Variants in UNC13B observed in about 807,000 individuals in gnomAD.
UNC13B encodes the protein protein unc-13 homolog B.
UNC13B carries 144 observed loss-of-function variants against 211.0 expected under a neutral mutation model. The observed-to-expected ratio is 0.68, with a 90% CI of 0.60 to 0.78. The LOEUF is 0.78. UNC13B is among the 30% of genes least tolerant of loss of function. UNC13B has a pLI of 0.00. For missense variants in UNC13B, 1,777 were observed against 2,002.0 expected, an observed-to-expected ratio of 0.89 and a Z score of 2.14; for synonymous variants, 709 against 725.8, an observed-to-expected ratio of 0.98 and a Z score of 0.37.
intron 1 of UNC13B, among the ~76,000 whole-genome samples, chr9:35,165,611 G>A (rs1055137971): frequency 6.6e-6 from 1 of 151,686 alleles, no homozygotes; most frequent in African/African-American, 2.4e-5. Context: ...TAGAGACGGG[G>A]TTTCACCATG....
At chr9:35,358,333 T>A (rs1470592446) in intron 11 of UNC13B, among the ~76,000 whole-genome samples, 2 of 152,356 alleles carry the variant, frequency 1.3e-5, no homozygotes, top group East Asian at 3.9e-4. Flanking sequence ...AGTGGATTGA[T>A]CAAATTTTAT....
At chr9:35,266,439 G>C (rs549549438) in intron 7 of UNC13B, among the ~76,000 whole-genome samples, 72 of 152,200 alleles carry the variant, frequency 4.7e-4, no homozygotes, top group Non-Finnish European at 9.0e-4. Flanking sequence ...GGTGGCTCAT[G>C]CCTGTAATCC....
chr9:35,236,496 A>C lies in UNC13B; in HGVS notation c.180A>C (p.Leu60=). The C allele has an allele frequency of 6.2e-7, 1 of 1,614,064 alleles. No individual in the cohort carries two copies. Among genetic ancestry groups the C allele is most frequent in the Non-Finnish European group, 8.5e-7 (1 of 1,179,948 alleles). ...MFEISRLDLG[L]SVEVWNKGLI... is the part of the protein sequence containing the mutation. ...AGATTAGTCGCCTGGACCTGGGTCT[A>C]AGTGTGGAGGTATGGAACAAAGGAC... Residue 60 remains leucine, a synonymous_variant, in exon 4 of 40, where the codon CTA becomes CTC. Coordinates refer to ENST00000635942, the MANE Select transcript of UNC13B (RefSeq NM_001371189.2).
At chr9:35,249,135 T>C (rs1205334240) in intron 6 of UNC13B, among the ~76,000 whole-genome samples, 6 of 152,220 alleles carry the variant, frequency 3.9e-5, no homozygotes, top group Admixed American at 1.3e-4. Context: ...CTTTTGATCT[T>C]TGTTGGTTTA....
chr9:35,270,725 T>A (rs1041359151), intron 7 of UNC13B, among the ~76,000 whole-genome samples: 1 of 152,224 alleles, frequency 6.6e-6, no homozygotes, highest in Non-Finnish European at 1.5e-5. Context: ...AACTTTCTTG[T>A]CCTTTTTGCA....
At chr9:35,334,289 C>T (rs992365842) in intron 11 of UNC13B, among the ~76,000 whole-genome samples, 1 of 152,154 alleles carries the variant, frequency 6.6e-6, no homozygotes, top group Admixed American at 6.5e-5. Flanking sequence ...TTGTACCTCC[C>T]CTTACACTTG....
rs572267147 is a variant in UNC13B, at chr9:35,380,133, C to T, written c.10206-337C>T. Among the ~76,000 whole-genome samples, 32 of 152,148 alleles carry T rather than the reference C, an allele frequency of 2.1e-4. No individual in the cohort carries two copies. In the East Asian group the frequency reaches 3.9e-3, roughly 18 times the overall value. The stretch of plus-strand genomic sequence containing the variant: ...AGCTAGCAGTTGCTTCCTGGAGCTC[C>T]GTGGCATGTCTAGCTATTTTCCTCT... On this transcript the variant is annotated intron_variant, in intron 17 of 39. Transcript: ENST00000635942.
In UNC13B at chr9:35,398,999, C is replaced by T. The variant is rs774007178; in HGVS notation, c.12039C>T (p.Ser4013=). Residue 4013 remains serine (S), a synonymous_variant, in exon 33 of 40, where the codon AGC becomes AGT. Transcript: ENST00000635942. ...CCTCAGCGGCTCAGGATGCAGATAG[C>T]GTACTCCGGCCTCTCATGGACTTCC... ...ARASAAQDAD[S]VLRPLMDFLD... is the part of the protein sequence containing the mutation. 12 of 1,614,026 alleles carry T rather than the reference C, an allele frequency of 7.4e-6. No homozygotes were observed. The highest frequency in any genetic ancestry group is 4.5e-5 in the East Asian group (2 of 44,900).
At position 35,310,692 on chromosome 9, in the gene UNC13B, T is replaced by G; in HGVS notation, c.9234T>G (p.Cys3078Trp). 6.2e-7 allele frequency: 1 copy of G among 1,613,930 alleles called. No individual in the cohort carries two copies. Among genetic ancestry groups the G allele is most frequent in the Non-Finnish European group, 8.5e-7 (1 of 1,179,996 alleles). The change falls in exon 10 of 40, where the codon TGT (cysteine) becomes TGG (tryptophan). Residue 3078 changes from cysteine (C) to tryptophan (W), a missense_variant. Physicochemically the swap from Cys to Trp is radical, Grantham distance 215 (BLOSUM62 -2). Transcript: ENST00000635942. ...GTCAAGCAGAGAAGGAGGCAGCATG[T>G]GAACCCAAGGAGATGAAAGAAGATG... ...VTGQAEKEAA[C>W]EPKEMKEDAT...
rs780580043 is a variant in UNC13B, at chr9:35,366,923, C to A, written c.9415-24C>A. ...ATCTCCCATCTTTCCCAGGATCTAACTTGTTTCCTATCTCTTTTTAAAGAT... is the reference window on the plus strand; with the variant it reads ...ATCTCCCATCTTTCCCAGGATCTAAATTGTTTCCTATCTCTTTTTAAAGAT... On this transcript the variant is annotated intron_variant, in intron 11 of 39. Transcript: ENST00000635942. 9.3e-6 allele frequency: 15 copies of A among 1,609,332 alleles called. No individual in the cohort carries two copies. In the East Asian group the frequency reaches 3.3e-4, roughly 36 times the overall value.
chr9:35,204,031 G>A (rs752690003), intron 1 of UNC13B, among the ~76,000 whole-genome samples: 2 of 152,242 alleles, frequency 1.3e-5, no homozygotes, highest in African/African-American at 2.4e-5. Context: ...TTGCTGCACT[G>A]CACAGCTCCA....
At chr9:35,282,148 A>G (rs894689845) in intron 7 of UNC13B, among the ~76,000 whole-genome samples, 2 of 152,200 alleles carry the variant, frequency 1.3e-5, no homozygotes, top group Admixed American at 6.5e-5. Flanking sequence ...AGAATATAAC[A>G]CAGATATATA....
In UNC13B at chr9:35,307,548, G is replaced by A. The variant is rs923144126; in HGVS notation, c.8144G>A (p.Ser2715Asn). 2.5e-6 allele frequency: 1 copy of A among 399,058 alleles called. No homozygotes were observed. Among genetic ancestry groups the A allele is most frequent in the Non-Finnish European group, 4.4e-6 (1 of 226,098 alleles). The allele number at this position is 399,058 out of a possible 1,614,324, so 24.7% of individuals were successfully genotyped here. ...TTCAATGATGCAAGTGTGAGCCAGA[G>A]CACCACTCTGGAAACCGAAGGGCAC... is the stretch of plus-strand genomic sequence containing the variant. ...MLFNDASVSQ[S>N]TTLETEGHFS... The change falls in exon 9 of 40, where the codon AGC (serine) becomes AAC (asparagine). Residue 2715 changes from serine to asparagine, a missense_variant. Ser to Asn is a conservative substitution (Grantham distance 46). Transcript: ENST00000635942.
chr9:35,314,741 C>T (rs2131879547), intron 11 of UNC13B, among the ~76,000 whole-genome samples: 1 of 152,036 alleles, frequency 6.6e-6, no homozygotes, highest in Non-Finnish European at 1.5e-5. Context: ...ACTCTAAATC[C>T]ATGCGTACAC....
At chr9:35,249,052 A>C (rs749941614) in intron 6 of UNC13B, among the ~76,000 whole-genome samples, 2 of 152,182 alleles carry the variant, frequency 1.3e-5, no homozygotes, top group Non-Finnish European at 2.9e-5. Context: ...TATTGGGTGC[A>C]TGTATATTTA....
intron 6 of UNC13B, among the ~76,000 whole-genome samples, chr9:35,256,541 GA>G (rs1193707647): frequency 6.6e-6 from 1 of 152,026 alleles, no homozygotes; most frequent in Non-Finnish European, 1.5e-5. Flanking sequence ...TTTTTGTCAT[GA>G]AAAAGTATGG....
chr9:35,349,107 G>C (rs548750449), intron 11 of UNC13B, among the ~76,000 whole-genome samples: 12 of 152,058 alleles, frequency 7.9e-5, no homozygotes, highest in Non-Finnish European at 1.3e-4. Flanking sequence ...TAATAGAGAG[G>C]GGGTTTCACC....
rs1196651537 is a variant in UNC13B at position 35,193,382 on chromosome 9, C to T, written c.22+31077C>T. Among the ~76,000 whole-genome samples the T allele has an allele frequency of 2.6e-5, 4 of 152,236 alleles. No homozygotes were observed. The South Asian group carries it at 8.3e-4, about 32-fold the overall frequency. Reference sequence around the variant, plus strand: ...AGATCATAGGGGCTGAGTGTGGTGGCTCATGCCTGTAATCCCAGCACTTTG... The same window carrying T: ...AGATCATAGGGGCTGAGTGTGGTGGTTCATGCCTGTAATCCCAGCACTTTG... On this transcript the variant is annotated intron_variant, in intron 1 of 39. Coordinates refer to ENST00000635942, the MANE Select transcript of UNC13B (RefSeq NM_001371189.2).
At chr9:35,254,678 T>C (rs1826714039) in intron 6 of UNC13B, among the ~76,000 whole-genome samples, 1 of 151,646 alleles carries the variant, frequency 6.6e-6, no homozygotes, top group Admixed American at 6.6e-5. Context: ...GGTTATCACA[T>C]TACTATTATA....
Sources: gnomAD v4.1 joint callset for allele counts (sites outside exome capture counted in the v4.1 genomes callset) on GRCh38, gnomAD v4.1.1 for gene constraint, MANE v1.5 for transcripts, NCBI Gene and HGNC (gene_info 2026-07-23, HGNC 2026-07-21) for gene names.